MATN2: variants seen among roughly 807,000 people sequenced by gnomAD.
The protein encoded by MATN2 is matrilin-2.
A neutral mutation model predicts 103.2 loss-of-function variants in MATN2; 69 were observed. The ratio of observed to expected loss-of-function variants is 0.67; its 90% confidence interval spans 0.55 to 0.82. The LOEUF (loss-of-function observed/expected upper bound fraction) is 0.82. MATN2 is among the 40% of genes least tolerant of loss of function. The pLI, the probability that MATN2 is intolerant of heterozygous loss-of-function variation, is 0.00. For missense variants in MATN2, 1,023 were observed against 1,211.5 expected, an observed-to-expected ratio of 0.84 and a Z score of 2.31; for synonymous variants, 429 against 450.2, an observed-to-expected ratio of 0.95 and a Z score of 0.60.
chr8:98,006,954 C>T (rs943849338), intron 8 of MATN2, 151 bp from the exon 9 acceptor site: 4 of 832,334 alleles, frequency 4.8e-6, no homozygotes, highest in Non-Finnish European at 7.5e-6. Context: ...ACCAACAAGC[C>T]AGGCTGATTT....
At chr8:98,033,504 T>G in intron 17 of MATN2, 57 bp from the exon 18 acceptor site, 1 of 879,324 alleles carries the variant, frequency 1.1e-6, no homozygotes. Context: ...CCTATTATTA[T>G]GCGTCTGGGA....
At chr8:98,023,738 CA>C (rs1340790994) in intron 13 of MATN2, among the ~76,000 whole-genome samples, 2 of 152,096 alleles carry the variant, frequency 1.3e-5, no homozygotes, top group African/African-American at 4.8e-5. Context: ...ACTAAGTGCT[CA>C]AAAAATGATC....
At chr8:97,930,902 C>T (rs767244944) in intron 2 of MATN2, 51 bp from the exon 3 acceptor site, 11 of 1,318,458 alleles carry the variant, frequency 8.3e-6, no homozygotes, top group Non-Finnish European at 1.2e-5. Context: ...AGGTGTGAGC[C>T]ACCACACCTG....
intron 1 of MATN2, among the ~76,000 whole-genome samples, chr8:97,878,462 G>T (rs1427632514): frequency 6.6e-6 from 1 of 150,866 alleles, no homozygotes; most frequent in African/African-American, 2.4e-5. Context: ...GAGGCAGGAG[G>T]ATTGCTTGAG....
At chr8:97,961,277 G>GT in intron 4 of MATN2, 131 bp from the exon 5 acceptor site, 2 of 866,484 alleles carry the variant, frequency 2.3e-6, no homozygotes, top group Non-Finnish European at 3.3e-6. Flanking sequence ...CTATGATCAC[G>GT]TATCAAACCT....
At chr8:97,908,550 A>G (rs1338420601) in intron 2 of MATN2, among the ~76,000 whole-genome samples, 1 of 152,248 alleles carries the variant, frequency 6.6e-6, no homozygotes, top group Non-Finnish European at 1.5e-5. Flanking sequence ...GACATTTACT[A>G]ACAGTTTTAT....
intron 12 of MATN2, among the ~76,000 whole-genome samples, chr8:98,020,821 T>C (rs778408353): frequency 6.6e-5 from 10 of 152,214 alleles, no homozygotes; most frequent in Non-Finnish European, 1.5e-4. Flanking sequence ...CACAGGGTGT[T>C]GTGAGGGTTA....
chr8:97,886,995 G>T (rs1818453719), intron 1 of MATN2, among the ~76,000 whole-genome samples: 1 of 151,752 alleles, frequency 6.6e-6, no homozygotes, highest in Non-Finnish European at 1.5e-5. Flanking sequence ...GGGTTCAAGT[G>T]ATTCTTGTGC....
At chr8:97,935,639 G>A (rs1221019679) in intron 3 of MATN2, among the ~76,000 whole-genome samples, 1 of 151,998 alleles carries the variant, frequency 6.6e-6, no homozygotes, top group Admixed American at 6.6e-5. Flanking sequence ...GGTGTGCGCC[G>A]CCATGACTGA....
intron 4 of MATN2, among the ~76,000 whole-genome samples, chr8:97,957,861 C>T (rs1227607785): frequency 6.6e-6 from 1 of 152,176 alleles, no homozygotes; most frequent in Non-Finnish European, 1.5e-5. Context: ...ATCCCACCCC[C>T]TGCCAGTCTG....
At chr8:98,003,543 C>A (rs1812855444) in intron 7 of MATN2, 118 bp from the exon 8 acceptor site, 1 of 1,151,432 alleles carries the variant, frequency 8.7e-7, no homozygotes, top group South Asian at 1.4e-5. Context: ...CCCGGCTTGC[C>A]TCAGCAGGCA....
At chr8:97,940,950 G>C (rs1469905396) in intron 3 of MATN2, among the ~76,000 whole-genome samples, 1 of 152,004 alleles carries the variant, frequency 6.6e-6, no homozygotes, top group Non-Finnish European at 1.5e-5. Flanking sequence ...CTTGAGCCCA[G>C]GAGTTTGAGA....
At chr8:97,921,561 A>AC (rs995811480) in intron 2 of MATN2, among the ~76,000 whole-genome samples, 2 of 130,604 alleles carry the variant, frequency 1.5e-5, no homozygotes, top group African/African-American at 5.2e-5. Context: ...GGGAAGTCGC[A>AC]CTGTGGTAAA....
intron 6 of MATN2, among the ~76,000 whole-genome samples, chr8:97,993,702 T>G (rs957525839): frequency 1.3e-5 from 2 of 152,222 alleles, no homozygotes; most frequent in East Asian, 3.8e-4. Context: ...CTCAGAGTAT[T>G]TATGCCTTTC....
At chr8:98,026,256 G>GT (rs367888514) in intron 13 of MATN2, among the ~76,000 whole-genome samples, 19,696 of 124,684 alleles carry the variant, frequency 0.16, 1,475 homozygotes, top group Middle Eastern at 0.21. Flanking sequence ...TTTTAATTTT[G>GT]TTTTTTTTTT....
intron 2 of MATN2, among the ~76,000 whole-genome samples, chr8:97,893,794 C>T (rs1481043501): frequency 3.9e-5 from 6 of 152,148 alleles, no homozygotes; most frequent in African/African-American, 4.8e-5. Context: ...CCGCCTGCCT[C>T]GGCCTCCCAA....
chr8:97,972,285 G>A, intron 5 of MATN2, among the ~76,000 whole-genome samples: 1 of 148,970 alleles, frequency 6.7e-6, no homozygotes, highest in East Asian at 2.0e-4. Flanking sequence ...GTTGCAGTGA[G>A]CCGTGATCAT....
chr8:97,998,337 G>A (rs559615650), intron 7 of MATN2, among the ~76,000 whole-genome samples: 44 of 150,340 alleles, frequency 2.9e-4, no homozygotes, highest in Middle Eastern at 3.4e-3. Context: ...TGGCTAACAC[G>A]GTGAAACCCC....
At chr8:97,918,654 G>A (rs1270453726) in intron 2 of MATN2, among the ~76,000 whole-genome samples, 1 of 152,200 alleles carries the variant, frequency 6.6e-6, no homozygotes, top group Non-Finnish European at 1.5e-5. Flanking sequence ...TTGCACTTAG[G>A]CGACTGTGTC....
Sources: allele counts gnomAD v4.1 joint callset (sites outside exome capture counted in the v4.1 genomes callset), GRCh38; gene constraint gnomAD v4.1.1; transcripts MANE v1.5; gene names NCBI Gene and HGNC (gene_info 2026-07-23, HGNC 2026-07-21).